The following LRMDA variants were observed in gnomAD, a reference collection of about 807,000 sequenced individuals.
LRMDA encodes the protein leucine rich melanocyte differentiation associated.
A neutral mutation model predicts 29.8 loss-of-function variants in LRMDA; 18 were observed. That is an observed-to-expected ratio of 0.60 (90% confidence interval 0.42 to 0.90). The LOEUF is 0.90. LRMDA is among the 40% of genes least tolerant of loss of function. The probability of loss-of-function intolerance (pLI) is 0.00; values close to 1 mark genes in which losing one functional copy is unlikely to be tolerated. For missense variants in LRMDA, 273 were observed against 273.9 expected (o/e 1.00, Z 0.02); for synonymous variants, 125 against 109.4 (o/e 1.14, Z -0.89).
At chr10:76,175,132 G>C (rs1850909932) in intron 5 of LRMDA, among the ~76,000 whole-genome samples, 1 of 152,000 alleles carries the variant, frequency 6.6e-6, no homozygotes, top group Admixed American at 6.6e-5. Flanking sequence ...CAAAAAAAAA[G>C]AAGATTGTTC....
At chr10:75,934,676 A>G (rs758021180) in intron 2 of LRMDA, among the ~76,000 whole-genome samples, 5 of 152,120 alleles carry the variant, frequency 3.3e-5, no homozygotes, top group Non-Finnish European at 7.4e-5. Context: ...CTCGGCCAGC[A>G]GGATGGGCAC....
intron 5 of LRMDA, among the ~76,000 whole-genome samples, chr10:76,214,394 G>A (rs887944992): frequency 3.0e-5 from 4 of 134,994 alleles, no homozygotes; most frequent in South Asian, 2.3e-4. Context: ...GCCGGACTGC[G>A]TCCGCAGTGG....
At chr10:75,651,023 A>G (rs1416206305) in intron 2 of LRMDA, among the ~76,000 whole-genome samples, 1 of 151,978 alleles carries the variant, frequency 6.6e-6, no homozygotes, top group Non-Finnish European at 1.5e-5. Context: ...TTGGCCCAAA[A>G]TGTTCTCTCC....
At chr10:76,421,756 C>T (rs1156372677) in intron 6 of LRMDA, among the ~76,000 whole-genome samples, 1 of 152,186 alleles carries the variant, frequency 6.6e-6, no homozygotes, top group Admixed American at 6.5e-5. Flanking sequence ...TGGCTAATAA[C>T]TCCAATATCC....
chr10:75,534,122 A>G (rs1283193541), intron 2 of LRMDA, among the ~76,000 whole-genome samples: 2 of 152,216 alleles, frequency 1.3e-5, no homozygotes, highest in African/African-American at 4.8e-5. Context: ...GTCTCTGCAC[A>G]TGTAGCATAA....
chr10:75,962,527 C>A lies in LRMDA; in HGVS notation c.132-73481C>A, dbSNP rs146963266. On this transcript the variant is annotated intron_variant, in intron 2 of 6. Coordinates refer to ENST00000611255, the MANE Select transcript of LRMDA (RefSeq NM_001305581.2). Reference sequence around the variant, plus strand: ...CCAGATGACCCTCTGGGTAAGAATTCTGAAATGTCAACATCTGAAACATGT... The same window carrying A: ...CCAGATGACCCTCTGGGTAAGAATTATGAAATGTCAACATCTGAAACATGT... 4.0e-3 allele frequency among the ~76,000 whole-genome samples: 605 copies of A among 152,310 alleles called. 6 individuals carry two copies. The highest frequency in any genetic ancestry group is 0.014 in the African/African-American group (568 of 41,558).
chr10:75,773,014 T>C (rs1203172701), intron 2 of LRMDA, among the ~76,000 whole-genome samples: 1 of 152,214 alleles, frequency 6.6e-6, no homozygotes, highest in Non-Finnish European at 1.5e-5. Flanking sequence ...AAGCTCTCCA[T>C]CTTGTTAAAA....
intron 2 of LRMDA, among the ~76,000 whole-genome samples, chr10:75,569,129 A>G (rs927938686): frequency 6.6e-6 from 1 of 152,206 alleles, no homozygotes; most frequent in Admixed American, 6.5e-5. Context: ...GCATATGCCC[A>G]CAACTCCTGG....
At chr10:75,675,003 G>A (rs780491226) in intron 2 of LRMDA, among the ~76,000 whole-genome samples, 9 of 152,158 alleles carry the variant, frequency 5.9e-5, no homozygotes, top group Non-Finnish European at 8.8e-5. Context: ...TCATTTCCAC[G>A]TAATTGTGAA....
chr10:76,551,242 G>T (rs1336671639), intron 6 of LRMDA, among the ~76,000 whole-genome samples: 1 of 152,200 alleles, frequency 6.6e-6, no homozygotes, highest in African/African-American at 2.4e-5. Flanking sequence ...TTTAGGAACT[G>T]TGGCTGTTGC....
At chr10:75,724,071 T>G (rs1379168320) in intron 2 of LRMDA, among the ~76,000 whole-genome samples, 1 of 152,218 alleles carries the variant, frequency 6.6e-6, no homozygotes, top group Non-Finnish European at 1.5e-5. Context: ...TTATTTTTTT[T>G]GCCATGAACC....
chr10:76,469,425 G>T (rs1351722732), intron 6 of LRMDA, among the ~76,000 whole-genome samples: 1 of 152,020 alleles, frequency 6.6e-6, no homozygotes, highest in African/African-American at 2.4e-5. Context: ...AGAACACTTG[G>T]GCCCTCATCA....
intron 5 of LRMDA, among the ~76,000 whole-genome samples, chr10:76,155,356 T>C (rs1850518437): frequency 6.8e-6 from 1 of 146,642 alleles, no homozygotes; most frequent in Non-Finnish European, 1.5e-5. Flanking sequence ...ATACCTGAAA[T>C]CTCTGTCACT....
chr10:75,875,841 A>T (rs1027875681), intron 2 of LRMDA, among the ~76,000 whole-genome samples: 6 of 152,144 alleles, frequency 3.9e-5, no homozygotes, highest in Non-Finnish European at 8.8e-5. Context: ...TCTGTTGGGA[A>T]GACATGAGAC....
At chr10:75,907,489 G>A (rs1241734223) in intron 2 of LRMDA, among the ~76,000 whole-genome samples, 1 of 152,088 alleles carries the variant, frequency 6.6e-6, no homozygotes, top group Non-Finnish European at 1.5e-5. Flanking sequence ...TTATTGAGAT[G>A]GTCACTGTGG....
At chr10:76,427,331 T>A (rs915742784) in intron 6 of LRMDA, among the ~76,000 whole-genome samples, 1 of 152,178 alleles carries the variant, frequency 6.6e-6, no homozygotes, top group East Asian at 1.9e-4. Context: ...CCCTTGTAAG[T>A]TGGATTCCTA....
intron 2 of LRMDA, among the ~76,000 whole-genome samples, chr10:75,860,310 G>C (rs76936832): frequency 9.2e-6 from 1 of 108,348 alleles, no homozygotes; most frequent in East Asian, 3.6e-4. Flanking sequence ...TGATGTTTCT[G>C]GTTTTTTTTT....
intron 6 of LRMDA, among the ~76,000 whole-genome samples, chr10:76,551,138 A>G (rs1414460039): frequency 6.6e-6 from 1 of 151,114 alleles, no homozygotes; most frequent in Admixed American, 6.6e-5. Flanking sequence ...AGGCCAGATG[A>G]TAATGTTCAC....
At chr10:75,963,395 A>T (rs1007438184) in intron 2 of LRMDA, among the ~76,000 whole-genome samples, 15 of 152,332 alleles carry the variant, frequency 9.8e-5, no homozygotes, top group African/African-American at 3.1e-4. Context: ...TTCCCGTATC[A>T]TCAACTGCAG....
Sources: gnomAD v4.1 joint callset for allele counts (sites outside exome capture counted in the v4.1 genomes callset) on GRCh38, gnomAD v4.1.1 for gene constraint, MANE v1.5 for transcripts, NCBI Gene and HGNC (gene_info 2026-07-23, HGNC 2026-07-21) for gene names.